Variants in PWWP3A observed in about 807,000 individuals in gnomAD.
PWWP3A encodes PWWP domain-containing DNA repair factor 3A.
A neutral mutation model predicts 79.0 loss-of-function variants in PWWP3A; 53 were observed. The ratio of observed to expected loss-of-function variants is 0.67; its 90% CI spans 0.54 to 0.84. The LOEUF (loss-of-function observed/expected upper bound fraction) is 0.84. PWWP3A is among the 40% of genes least tolerant of loss of function. The pLI is 0.00. For synonymous variants in PWWP3A, 443 were observed against 394.4 expected, an observed-to-expected ratio of 1.12 and a Z score of -1.46; for missense variants, 973 against 948.0, an observed-to-expected ratio of 1.03 and a Z score of -0.35.
chr19:1,370,692 C>T lies in PWWP3A; in HGVS notation c.1600C>T (p.Pro534Ser), dbSNP rs1488456323. The stretch of plus-strand genomic sequence containing the variant: ...GCAGGACGTCTTGGGGACCAAGCTT[C>T]CTCAACTGAGCAAGGGGAGCCCCGA... ...IQQDVLGTKLPQLSKGSPEEP... is the reference protein window; with the variant it reads ...IQQDVLGTKLSQLSKGSPEEP... The change falls in exon 12 of 14, where the codon CCT becomes TCT. Residue 534 changes from proline to serine, a missense_variant. By Grantham distance (74) the Pro-to-Ser change is moderately conservative. Coordinates refer to ENST00000591337, the MANE Select transcript of PWWP3A (RefSeq NM_001369789.1). 1.4e-6 allele frequency: 2 copies of T among 1,455,502 alleles called. No individual in the cohort carries two copies. The highest frequency in any genetic ancestry group is 1.8e-6 in the Non-Finnish European group (2 of 1,101,962). The allele number at this position is 1,455,502 out of a possible 1,614,324, so 90.2% of individuals were successfully genotyped here.
Position 1,364,595 on chromosome 19 carries a change from T to G in PWWP3A, c.1284+16T>G, listed in dbSNP as rs780389748. The G allele has an allele frequency of 1.3e-6, 2 of 1,566,624 alleles. No individual in the cohort carries two copies. The highest frequency in any genetic ancestry group is 1.7e-6 in the Non-Finnish European group (2 of 1,153,866). On this transcript the variant is annotated intron_variant, in intron 7 of 13. Transcript: ENST00000591337. ...GCCAGCAGTGGTAAGAACAGCTTCC[T>G]CCGTCTTCTCAGATGTAGTTACTTA...
At chr19:1,375,197 T>C (rs1348669409) in intron 13 of PWWP3A, among the ~76,000 whole-genome samples, 1 of 146,352 alleles carries the variant, frequency 6.8e-6, no homozygotes, top group Admixed American at 7.1e-5. Flanking sequence ...CATTCCAGCC[T>C]GGTGACAGAG....
At chr19:1,370,190 T>C (rs1349313501) in intron 11 of PWWP3A, among the ~76,000 whole-genome samples, 1 of 152,166 alleles carries the variant, frequency 6.6e-6, no homozygotes, top group Non-Finnish European at 1.5e-5. Flanking sequence ...CCTATGTGAT[T>C]GCACCGCTGC....
intron 13 of PWWP3A, 129 bp downstream of exon 13, chr19:1,373,289 G>C (rs1568960369): frequency 1.3e-6 from 1 of 765,294 alleles, no homozygotes; most frequent in Non-Finnish European, 2.2e-6. Context: ...CCAGGTGCTG[G>C]GTGGTGAGCT....
chr19:1,376,444 A>G, intron 13 of PWWP3A, 75 bp from the exon 14 acceptor site: 1 of 1,496,902 alleles, frequency 6.7e-7, no homozygotes, highest in South Asian at 1.1e-5. Context: ...GTGAGCGACC[A>G]CACCCAGTCC....
chr19:1,367,077 G>A (rs2144736088), intron 8 of PWWP3A, 83 bp from the exon 9 acceptor site: 3 of 1,160,426 alleles, frequency 2.6e-6, no homozygotes, highest in Non-Finnish European at 3.8e-6. Flanking sequence ...GGCCTCCACT[G>A]ATCTTAATCA....
rs1424519880 is a variant in PWWP3A, at chr19:1,371,049, C to T, written c.1957C>T (p.Arg653Trp). Residue 653 changes from arginine (R) to tryptophan (W), a missense_variant, in exon 12 of 14, where the codon CGG (arginine) becomes TGG (tryptophan). Arg to Trp is a moderately radical substitution (Grantham distance 101). Coordinates refer to ENST00000591337, the MANE Select transcript of PWWP3A (RefSeq NM_001369789.1). ...VLQRTNGDRI[R>W]FILDVLLPEA... ...CCAGCGCACCAACGGCGACCGGATC[C>T]GGTTCATTCTGGACGTGCTTCTGCC... The T allele has an allele frequency of 4.5e-6, 7 of 1,571,094 alleles. No homozygotes were observed. Among genetic ancestry groups the T allele is most frequent in the South Asian group, 1.2e-5 (1 of 85,548 alleles).
intron 7 of PWWP3A, 53 bp downstream of exon 7, chr19:1,364,632 T>A (rs897905559): frequency 2.1e-5 from 27 of 1,269,008 alleles, no homozygotes; most frequent in African/African-American, 2.0e-4. Flanking sequence ...ATTTCATGAA[T>A]TTTTATTCCA....
intron 13 of PWWP3A, among the ~76,000 whole-genome samples, chr19:1,375,708 AATAT>A (rs894473684): frequency 1.8e-4 from 26 of 141,476 alleles, no homozygotes; most frequent in South Asian, 1.1e-3. Flanking sequence ...TTTAATATAT[AATAT>A]ATATAAAGTA....
rs2082424411 is a variant in PWWP3A, at chr19:1,377,389, G to C, written c.*813G>C. 6.6e-6 allele frequency: 1 copy of C among 152,526 alleles called. No homozygotes were observed. Among genetic ancestry groups the C allele is most frequent in the Admixed American group, 6.5e-5 (1 of 15,294 alleles). The allele number at this position is 152,526 out of a possible 1,614,324, so 9.4% of individuals were successfully genotyped here. A position where few individuals can be genotyped will look rare whatever the true frequency, so the allele number is the denominator to read the frequency against. The stretch of plus-strand genomic sequence containing the variant: ...CGCGGATGGCTATGCTGGGGTCCCA[G>C]GGTGGCCGCAGCAGTCAGGGTCACT... On this transcript the variant is annotated 3_prime_UTR_variant, in exon 14 of 14. Transcript: ENST00000591337.
intron 13 of PWWP3A, 122 bp from the exon 14 acceptor site, chr19:1,376,397 G>A (rs908273949): frequency 1.2e-5 from 8 of 684,592 alleles, no homozygotes; most frequent in East Asian, 4.6e-5. Flanking sequence ...CTTGTGATCC[G>A]CCTGCCTCGG....
intron 4 of PWWP3A, chr19:1,359,303 T>G (rs2081957871): frequency 6.6e-6 from 1 of 152,566 alleles, no homozygotes; most frequent in African/African-American, 2.4e-5. Flanking sequence ...TCAGGTCTAT[T>G]TTCCTGTGTC....
At chr19:1,375,481 T>C (rs1483873884) in intron 13 of PWWP3A, among the ~76,000 whole-genome samples, 1 of 129,956 alleles carries the variant, frequency 7.7e-6, no homozygotes, top group Non-Finnish European at 1.6e-5. Flanking sequence ...AATTTATATA[T>C]TATATAAAAT....
Position 1,368,610 on chromosome 19 carries a change from G to A in PWWP3A, c.1423-655G>A, listed in dbSNP as rs953147164. ...TTCCCTGGGTCATTGTGTGATGGTC[G>A]TGGCTTTATGGCATCTTTGGGACGG... On this transcript the variant is annotated intron_variant, in intron 9 of 13. Transcript: ENST00000591337. This position sits in a 1 kb window ranked among gnomAD's most constrained non-coding sequence, Gnocchi z 4.7. Among the ~76,000 whole-genome samples the A allele has an allele frequency of 5.3e-5, 8 of 152,196 alleles. No homozygotes were observed. In the South Asian group the frequency reaches 6.2e-4, roughly 12 times the overall value.
At chr19:1,364,689 G>A in intron 7 of PWWP3A, 110 bp downstream of exon 7, 1 of 972,072 alleles carries the variant, frequency 1.0e-6, no homozygotes, top group Non-Finnish European at 1.5e-6. Flanking sequence ...TGTTTTCATT[G>A]TTTTGTTTTT....
At chr19:1,357,175 T>C in intron 3 of PWWP3A, 81 bp downstream of exon 3, 1 of 1,050,268 alleles carries the variant, frequency 9.5e-7, no homozygotes, top group East Asian at 2.4e-5. Context: ...CCAAAACAGT[T>C]GAAGCCCAGC....
intron 4 of PWWP3A, chr19:1,358,738 A>G (rs1457099021): frequency 2.2e-6 from 3 of 1,351,274 alleles, no homozygotes; most frequent in Admixed American, 2.0e-5. Flanking sequence ...CGTGGCCTCC[A>G]GTACACAAGA....
At chr19:1,370,523 T>C in intron 11 of PWWP3A, 119 bp from the exon 12 acceptor site, 1 of 896,086 alleles carries the variant, frequency 1.1e-6, no homozygotes, top group South Asian at 2.4e-5. Context: ...AACACGGAGC[T>C]CGATCGCTAG....
In PWWP3A at chr19:1,377,629, A is replaced by C. The variant is rs2082429015; in HGVS notation, c.*1053A>C. The C allele has an allele frequency of 6.6e-6, 1 of 152,410 alleles. No individual in the cohort carries two copies. Among genetic ancestry groups the C allele is most frequent in the Non-Finnish European group, 1.5e-5 (1 of 68,208 alleles). 9.4% of individuals were successfully genotyped at this position (152,410 alleles called of 1,614,324 possible). On this transcript the variant is annotated 3_prime_UTR_variant, in exon 14 of 14. Coordinates refer to ENST00000591337, the MANE Select transcript of PWWP3A (RefSeq NM_001369789.1). ...GGCTCAGCCAGGCTCCAGCAGGGTC[A>C]GACGTGCTGTTAAGAGCAAAGCCAC...
Sources: allele counts gnomAD v4.1 joint callset (sites outside exome capture counted in the v4.1 genomes callset), GRCh38; gene constraint gnomAD v4.1.1; non-coding constraint Gnocchi (gnomAD v3.1); transcripts MANE v1.5; gene names NCBI Gene and HGNC (gene_info 2026-07-23, HGNC 2026-07-21).